Variants in IMMP2L observed in about 807,000 individuals in gnomAD.
The protein encoded by IMMP2L is mitochondrial inner membrane protease subunit 2.
Under a neutral mutation model 19.3 loss-of-function variants are expected in IMMP2L, and 18 were observed. The ratio of observed to expected loss-of-function variants is 0.93; its 90% CI spans 0.64 to 1.38. The LOEUF (loss-of-function observed/expected upper bound fraction) is 1.38. Among genes scored for constraint, IMMP2L ranks in the 40% most tolerant of loss-of-function variants. IMMP2L has a pLI of 0.00. For missense variants in IMMP2L, 233 were observed against 218.2 expected, an observed-to-expected ratio of 1.07 and a Z score of -0.43; for synonymous variants, 76 against 73.0, an observed-to-expected ratio of 1.04 and a Z score of -0.21.
chr7:110,851,584 C>T (rs1305833499), intron 5 of IMMP2L, among the ~76,000 whole-genome samples: 1 of 152,086 alleles, frequency 6.6e-6, no homozygotes, highest in African/African-American at 2.4e-5. Flanking sequence ...GCTTTCCTGA[C>T]ATCCTTACCT....
intron 5 of IMMP2L, among the ~76,000 whole-genome samples, chr7:110,772,219 T>C (rs1486432083): frequency 6.6e-6 from 1 of 152,154 alleles, no homozygotes; most frequent in Non-Finnish European, 1.5e-5. Flanking sequence ...TCGTGGAGTC[T>C]ACACATTGAG....
chr7:110,758,761 C>G lies in IMMP2L; in HGVS notation c.409-95040G>C, dbSNP rs570182456. Among the ~76,000 whole-genome samples the G allele has an allele frequency of 6.6e-6, 1 of 152,166 alleles. No individual in the cohort carries two copies. The highest frequency in any genetic ancestry group is 2.1e-4 in the South Asian group (1 of 4,818). ...ACAAAAACATCCAACCTTTGTGAGA[C>G]TTAGTTTGCCTTTAATTATAAAACG... On this transcript the variant is annotated intron_variant, in intron 5 of 5. Transcript: ENST00000405709. This position sits in a 1 kb window ranked among gnomAD's most constrained non-coding sequence, Gnocchi z 4.6.
intron 5 of IMMP2L, among the ~76,000 whole-genome samples, chr7:110,694,596 C>G (rs1032461736): frequency 3.3e-5 from 5 of 151,960 alleles, no homozygotes; most frequent in Non-Finnish European, 7.4e-5. Flanking sequence ...TCTGAAGATG[C>G]AATTGACTGA....
intron 1 of IMMP2L, among the ~76,000 whole-genome samples, chr7:111,532,985 A>G (rs140694039): frequency 2.0e-5 from 3 of 152,200 alleles, no homozygotes; most frequent in Non-Finnish European, 4.4e-5. Flanking sequence ...CTTTTAGCTT[A>G]TAAGTGCAAG....
chr7:110,857,656 G>T (rs2129542361), intron 5 of IMMP2L, among the ~76,000 whole-genome samples: 1 of 152,118 alleles, frequency 6.6e-6, no homozygotes, highest in Non-Finnish European at 1.5e-5. Flanking sequence ...TTAGTCTTAT[G>T]AGTACTCAAA....
chr7:111,338,695 A>G (rs1826710386), intron 3 of IMMP2L, among the ~76,000 whole-genome samples: 1 of 152,060 alleles, frequency 6.6e-6, no homozygotes, highest in Admixed American at 6.6e-5. Flanking sequence ...TTTCACTAAC[A>G]CTTACTATAT....
chr7:111,080,815 T>C (rs1795830510), intron 3 of IMMP2L, among the ~76,000 whole-genome samples: 1 of 152,210 alleles, frequency 6.6e-6, no homozygotes, highest in African/African-American at 2.4e-5. Context: ...AGACATCCTG[T>C]TCACTGCCAA....
intron 3 of IMMP2L, among the ~76,000 whole-genome samples, chr7:111,335,333 C>G (rs527436556): frequency 6.6e-6 from 1 of 151,866 alleles, no homozygotes; most frequent in South Asian, 2.1e-4. Flanking sequence ...TGGAGAGTCC[C>G]AAAAAAGTCA....
At chr7:110,876,513 A>T (rs1175869496) in intron 5 of IMMP2L, among the ~76,000 whole-genome samples, 4 of 152,148 alleles carry the variant, frequency 2.6e-5, no homozygotes, top group Non-Finnish European at 5.9e-5. Flanking sequence ...GCTCGTGCTT[A>T]ATTTTAAGGT....
At chr7:111,012,559 T>A (rs1825080440) in intron 3 of IMMP2L, among the ~76,000 whole-genome samples, 1 of 152,166 alleles carries the variant, frequency 6.6e-6, no homozygotes, top group South Asian at 2.1e-4. Context: ...GACACAATCC[T>A]GACTTTTAAA....
At chr7:111,389,231 C>A (rs1208473966) in intron 3 of IMMP2L, among the ~76,000 whole-genome samples, 1 of 152,026 alleles carries the variant, frequency 6.6e-6, no homozygotes, top group Admixed American at 6.6e-5. Flanking sequence ...TAGCTGTACT[C>A]TTCAGAAATG....
intron 3 of IMMP2L, among the ~76,000 whole-genome samples, chr7:111,020,460 C>A (rs1352740274): frequency 6.6e-6 from 1 of 151,950 alleles, no homozygotes; most frequent in African/African-American, 2.4e-5. Context: ...TAGTATATTG[C>A]ACATTAAATT....
rs566768062 is a variant in IMMP2L at position 111,064,946 on chromosome 7, G to A, written c.240-101381C>T. On this transcript the variant is annotated intron_variant, in intron 3 of 5. Transcript: ENST00000405709. ...AAACTACAACAGGCCAATCCAGGCC[G>A]GACTACAAATGGCCCAGACCCTTCA... is the stretch of plus-strand genomic sequence containing the variant. Among the ~76,000 whole-genome samples the A allele has an allele frequency of 1.2e-4, 19 of 152,246 alleles. No individual in the cohort carries two copies. The South Asian group carries it at 1.5e-3, about 12-fold the overall frequency.
intron 3 of IMMP2L, among the ~76,000 whole-genome samples, chr7:111,387,425 T>C (rs530838986): frequency 1.3e-5 from 2 of 152,276 alleles, no homozygotes; most frequent in East Asian, 1.9e-4. Context: ...TCAATAACTG[T>C]TCTCATTATT....
At chr7:111,412,905 A>G (rs1460813985) in intron 3 of IMMP2L, among the ~76,000 whole-genome samples, 2 of 151,762 alleles carry the variant, frequency 1.3e-5, no homozygotes, top group Non-Finnish European at 2.9e-5. Context: ...ATAGAAGGGA[A>G]GAAATAATAA....
intron 4 of IMMP2L, among the ~76,000 whole-genome samples, chr7:110,961,545 C>A (rs1371963672): frequency 6.6e-6 from 1 of 150,984 alleles, no homozygotes; most frequent in African/African-American, 2.4e-5. Flanking sequence ...ATACAGAGGG[C>A]CAACTGTATA....
chr7:111,459,034 T>A (rs1839914396), intron 3 of IMMP2L, among the ~76,000 whole-genome samples: 1 of 152,172 alleles, frequency 6.6e-6, no homozygotes, highest in African/African-American at 2.4e-5. Context: ...CTGCTTTATG[T>A]CACCACAGGA....
intron 5 of IMMP2L, among the ~76,000 whole-genome samples, chr7:110,734,935 G>T (rs1416620962): frequency 6.6e-6 from 1 of 152,104 alleles, no homozygotes; most frequent in Non-Finnish European, 1.5e-5. Context: ...CTAAATTTTG[G>T]CTAATAATAT....
intron 5 of IMMP2L, among the ~76,000 whole-genome samples, chr7:110,801,657 C>T (rs954305911): frequency 2.6e-5 from 4 of 152,006 alleles, no homozygotes; most frequent in Admixed American, 2.6e-4. Flanking sequence ...GTTGTGAACC[C>T]TCTGATACTG....
Sources: gnomAD v4.1 joint callset for allele counts (sites outside exome capture counted in the v4.1 genomes callset) on GRCh38, gnomAD v4.1.1 for gene constraint, Gnocchi (gnomAD v3.1) non-coding constraint, MANE v1.5 for transcripts, NCBI Gene and HGNC (gene_info 2026-07-23, HGNC 2026-07-21) for gene names.